LARP1: variants seen among roughly 807,000 people sequenced by gnomAD.
The protein encoded by LARP1 is La ribonucleoprotein 1, translational regulator, also known as la-related protein 1.
In LARP1, 36 loss-of-function variants were observed where a neutral mutation model predicts 122.7. The ratio of observed to expected loss-of-function variants is 0.29; its 90% CI spans 0.22 to 0.39. The LOEUF (loss-of-function observed/expected upper bound fraction) is 0.39, where lower values mean the gene tolerates loss of function less well. LARP1 is among the 10% of genes least tolerant of loss of function. LARP1 has a pLI of 1.00. For synonymous variants in LARP1, 539 were observed against 528.7 expected, an observed-to-expected ratio of 1.02 and a Z score of -0.27; for missense variants, 1,040 against 1,403.6, an observed-to-expected ratio of 0.74 and a Z score of 4.14.
At chr5:154,726,763 A>G (rs1756239205) in intron 1 of LARP1, among the ~76,000 whole-genome samples, 1 of 152,216 alleles carries the variant, frequency 6.6e-6, no homozygotes, top group Non-Finnish European at 1.5e-5. Context: ...ATTTATAAAG[A>G]AAAGAGATTT....
At chr5:154,685,691 G>A (rs1753900157) in intron 1 of LARP1, 2 of 394,076 alleles carry the variant, frequency 5.1e-6, no homozygotes, top group Admixed American at 3.3e-5. Flanking sequence ...AGAAAAAGGG[G>A]TCGGGCACAG....
chr5:154,695,485 C>T (rs1054189105), intron 1 of LARP1, among the ~76,000 whole-genome samples: 3 of 151,590 alleles, frequency 2.0e-5, no homozygotes, highest in Non-Finnish European at 2.9e-5. Context: ...GGTGAAACCC[C>T]GTCTCTACTA....
chr5:154,731,060 G>C (rs2113402797), intron 1 of LARP1, among the ~76,000 whole-genome samples: 1 of 151,198 alleles, frequency 6.6e-6, no homozygotes, highest in East Asian at 2.0e-4. Context: ...CCTGACCTCA[G>C]GTGATCCGCC....
At position 154,803,483 on chromosome 5, in the gene LARP1, T is replaced by A. The variant is rs1317531231; in HGVS notation, c.2234-57T>A. 2 of 1,613,948 alleles carry A rather than the reference T, an allele frequency of 1.2e-6. No homozygotes were observed. Among genetic ancestry groups the A allele is most frequent in the East Asian group, 4.5e-5 (2 of 44,868 alleles). On this transcript the variant is annotated intron_variant, in intron 12 of 18. Coordinates refer to ENST00000518297, the MANE Select transcript of LARP1 (RefSeq NM_033551.3). The surrounding 1 kb of genome is among the most constrained non-coding windows in gnomAD (Gnocchi z 4.4). Reference sequence around the variant, plus strand: ...AGGGCCCTTGGACTGGGGGCTATCCTGGGGTGGATGCCACAGGCCTTTCCC... The same window carrying A: ...AGGGCCCTTGGACTGGGGGCTATCCAGGGGTGGATGCCACAGGCCTTTCCC...
chr5:154,689,779 A>C (rs1754105210), intron 1 of LARP1, among the ~76,000 whole-genome samples: 1 of 152,188 alleles, frequency 6.6e-6, no homozygotes, highest in South Asian at 2.1e-4. Flanking sequence ...GTTGAGACTC[A>C]AAAATGGAGT....
chr5:154,706,966 T>A (rs895723017), intron 1 of LARP1, among the ~76,000 whole-genome samples: 5 of 152,238 alleles, frequency 3.3e-5, no homozygotes, highest in Admixed American at 1.3e-4. Flanking sequence ...ACATTTATGG[T>A]CCCAAAATCA....
In LARP1 at chr5:154,814,188, A is replaced by AG; in HGVS notation, c.*95dup. On this transcript the variant is annotated 3_prime_UTR_variant, in exon 19 of 19. Coordinates refer to ENST00000518297, the MANE Select transcript of LARP1 (RefSeq NM_033551.3). ...CCAGTCCCAGGAAAGGGGACAATGA[A>AG]GGGACAGGCCTGGAGTTACTAGGAC... 2 of 1,283,644 alleles carry AG rather than the reference A, an allele frequency of 1.6e-6. No individual in the cohort carries two copies. The highest frequency in any genetic ancestry group is 1.1e-6 in the Non-Finnish European group (1 of 907,862). The allele number at this position is 1,283,644 out of a possible 1,614,324, so 79.5% of individuals were successfully genotyped here.
At chr5:154,745,607 GA>G in intron 1 of LARP1, among the ~76,000 whole-genome samples, 1 of 152,214 alleles carries the variant, frequency 6.6e-6, no homozygotes, top group Non-Finnish European at 1.5e-5. Flanking sequence ...GTAGGTGGCA[GA>G]GCTGAGACTA....
chr5:154,724,563 C>T (rs545739335), intron 1 of LARP1, among the ~76,000 whole-genome samples: 14 of 152,226 alleles, frequency 9.2e-5, no homozygotes, highest in Admixed American at 6.5e-4. Flanking sequence ...AAAAATAAAG[C>T]GTAATCCTGC....
chr5:154,709,078 A>G (rs1755091058), upstream of LARP1, among the ~76,000 whole-genome samples: 1 of 152,204 alleles, frequency 6.6e-6, no homozygotes, highest in African/African-American at 2.4e-5. Flanking sequence ...CAGTTCATCA[A>G]TTTGTCCAGT....
chr5:154,694,410 C>T (rs1182766994), intron 1 of LARP1, among the ~76,000 whole-genome samples: 1 of 121,816 alleles, frequency 8.2e-6, no homozygotes, highest in African/African-American at 3.6e-5. Context: ...TGCAAGACAT[C>T]ATACCTGGCC....
intron 1 of LARP1, among the ~76,000 whole-genome samples, chr5:154,759,766 C>G (rs1754293374): frequency 6.6e-6 from 1 of 151,926 alleles, no homozygotes; most frequent in African/African-American, 2.4e-5. Flanking sequence ...ACTTCAGGTA[C>G]CCATACAACC....
chr5:154,693,637 C>T (rs995873516), intron 1 of LARP1, among the ~76,000 whole-genome samples: 2 of 152,012 alleles, frequency 1.3e-5, no homozygotes, highest in Non-Finnish European at 2.9e-5. Flanking sequence ...GGGCGGATCA[C>T]GAGGTCAGGA....
At chr5:154,782,804 G>A (rs1756570587) in intron 1 of LARP1, among the ~76,000 whole-genome samples, 1 of 152,182 alleles carries the variant, frequency 6.6e-6, no homozygotes, top group Non-Finnish European at 1.5e-5. Flanking sequence ...CTGAGAGATG[G>A]TACCGACAGC....
chr5:154,795,813 ATATATATATT>A (rs974137461), intron 8 of LARP1, among the ~76,000 whole-genome samples: 2 of 112,134 alleles, frequency 1.8e-5, no homozygotes, highest in Non-Finnish European at 3.7e-5. Flanking sequence ...AATTGGCGCC[ATATATATATT>A]TATATATATA....
Position 154,770,791 on chromosome 5 carries a change from A to G in LARP1, c.436+14598A>G, listed in dbSNP as rs531872057. ...CCACTCTCTAGTTTCTCCTGGCTAG[A>G]ACTTCATTTCTCACAACTTTTATAA... On this transcript the variant is annotated intron_variant, in intron 1 of 18. Transcript: ENST00000518297. Among the ~76,000 whole-genome samples the G allele has an allele frequency of 3.4e-4, 51 of 152,206 alleles. 2 individuals carry two copies. The South Asian group carries it at 9.3e-3, about 28-fold the overall frequency.
upstream of LARP1, among the ~76,000 whole-genome samples, chr5:154,710,578 C>T (rs1755167430): frequency 6.6e-6 from 1 of 151,888 alleles, no homozygotes; most frequent in African/African-American, 2.4e-5. Context: ...CCTGTCTCTA[C>T]TAAAAATTCA....
At chr5:154,761,095 A>G (rs1754406958) in intron 1 of LARP1, among the ~76,000 whole-genome samples, 1 of 152,248 alleles carries the variant, frequency 6.6e-6, no homozygotes, top group East Asian at 1.9e-4. Flanking sequence ...GAAGCAATAT[A>G]GTGTGAATCA....
At position 154,811,259 on chromosome 5, in the gene LARP1, GT is replaced by G; in HGVS notation, c.2857del (p.Cys953AlafsTer27). On this transcript the variant is annotated frameshift_variant, in exon 17 of 19. Transcript: ENST00000518297. LOFTEE classifies it high-confidence loss of function. ...AKEGYRYGLE[C>X]LFRYYSYGLE... ...TTGTGTTCTACAGATATGGTTTGGA[GT>G]GCCTTTTTCGATACTACAGTTATGG... The G allele has an allele frequency of 6.2e-7, 1 of 1,614,028 alleles. No individual in the cohort carries two copies. The highest frequency in any genetic ancestry group is 8.5e-7 in the Non-Finnish European group (1 of 1,179,898).
Sources: allele counts gnomAD v4.1 joint callset (sites outside exome capture counted in the v4.1 genomes callset), GRCh38; gene constraint gnomAD v4.1.1; non-coding constraint Gnocchi (gnomAD v3.1); transcripts MANE v1.5; gene names NCBI Gene and HGNC (gene_info 2026-07-23, HGNC 2026-07-21).